Variants in HPSE2 observed in about 807,000 individuals in gnomAD.
The protein encoded by HPSE2 is inactive heparanase-2.
In HPSE2, 38 loss-of-function variants were observed where a neutral mutation model predicts 60.5. The ratio of observed to expected loss-of-function variants is 0.63; its 90% CI spans 0.48 to 0.82. HPSE2 has a LOEUF of 0.82. HPSE2 is among the 40% of genes least tolerant of loss of function. The pLI is 0.00. For missense variants in HPSE2, 713 were observed against 740.4 expected, an observed-to-expected ratio of 0.96 and a Z score of 0.43; for synonymous variants, 295 against 293.2, an observed-to-expected ratio of 1.01 and a Z score of -0.06.
chr10:98,479,431 A>T (rs1482944148), intron 11 of HPSE2, among the ~76,000 whole-genome samples: 1 of 152,142 alleles, frequency 6.6e-6, no homozygotes, highest in Non-Finnish European at 1.5e-5. Context: ...ACTTCCTAGC[A>T]TTTTCTTTCA....
intron 9 of HPSE2, among the ~76,000 whole-genome samples, chr10:98,605,167 A>G (rs1475079549): frequency 1.3e-5 from 2 of 152,192 alleles, no homozygotes; most frequent in South Asian, 2.1e-4. Flanking sequence ...TCTATTGTCT[A>G]CTGATCATTT....
the HPSE2 span, among the ~76,000 whole-genome samples, chr10:99,314,401 G>A: frequency 4.6e-4 from 70 of 151,748 alleles, no homozygotes; most frequent in Non-Finnish European, 9.0e-4. Flanking sequence ...GAACTCAAGC[G>A]ATCCTCCCAC....
intron 3 of HPSE2, among the ~76,000 whole-genome samples, chr10:99,012,226 A>G (rs1484742838): frequency 6.6e-6 from 1 of 152,132 alleles, no homozygotes; most frequent in Non-Finnish European, 1.5e-5. Context: ...AGACTGATTA[A>G]TGGATTAAAA....
chr10:98,831,620 G>C (rs1257310329), intron 3 of HPSE2, among the ~76,000 whole-genome samples: 1 of 152,194 alleles, frequency 6.6e-6, no homozygotes, highest in Non-Finnish European at 1.5e-5. Context: ...AGATAAGAGA[G>C]ACCTTGCTCA....
At chr10:98,593,069 C>G in intron 9 of HPSE2, among the ~76,000 whole-genome samples, 1 of 152,200 alleles carries the variant, frequency 6.6e-6, no homozygotes, top group East Asian at 1.9e-4. Flanking sequence ...TAATACTTCA[C>G]TATGTACCTC....
chr10:98,830,862 A>G (rs1381348460), intron 3 of HPSE2, among the ~76,000 whole-genome samples: 2 of 152,198 alleles, frequency 1.3e-5, no homozygotes, highest in East Asian at 1.9e-4. Context: ...ATGAAATTCA[A>G]TTTGATTCAC....
At chr10:99,012,634 T>C (rs1411576196) in intron 3 of HPSE2, among the ~76,000 whole-genome samples, 5 of 152,242 alleles carry the variant, frequency 3.3e-5, no homozygotes, top group Non-Finnish European at 7.3e-5. Flanking sequence ...ACTTGAGGTA[T>C]ATACACAATA....
intron 3 of HPSE2, among the ~76,000 whole-genome samples, chr10:98,926,393 G>A (rs1954463761): frequency 6.6e-6 from 1 of 151,944 alleles, no homozygotes; most frequent in Non-Finnish European, 1.5e-5. Flanking sequence ...CTCAACTGAG[G>A]GAAGGTAATG....
intron 3 of HPSE2, among the ~76,000 whole-genome samples, chr10:98,925,644 G>A (rs1954433825): frequency 6.6e-6 from 1 of 152,186 alleles, no homozygotes. Flanking sequence ...GAGCACATTA[G>A]AGTTTCATGA....
intron 2 of HPSE2, among the ~76,000 whole-genome samples, chr10:99,214,899 C>T (rs1019289776): frequency 6.6e-5 from 10 of 152,182 alleles, no homozygotes; most frequent in African/African-American, 2.4e-4. Flanking sequence ...TACCATCTCA[C>T]ATCAGTCAGA....
chr10:99,226,176 G>A (rs1849466418), intron 2 of HPSE2, among the ~76,000 whole-genome samples: 1 of 151,832 alleles, frequency 6.6e-6, no homozygotes, highest in South Asian at 2.1e-4. Context: ...TCTCTCTCTT[G>A]AGTTGCATAT....
intron 3 of HPSE2, among the ~76,000 whole-genome samples, chr10:98,814,135 T>A (rs1252323): frequency 0.056 from 8,498 of 152,196 alleles, 756 homozygotes; most frequent in African/African-American, 0.19. Context: ...TTATAAATGT[T>A]AATAAAATCA....
chr10:98,477,697 T>G (rs1196662374), intron 11 of HPSE2, among the ~76,000 whole-genome samples: 1 of 152,166 alleles, frequency 6.6e-6, no homozygotes, highest in African/African-American at 2.4e-5. Flanking sequence ...TTGCTTCTGT[T>G]TGTTGAGAGA....
intron 3 of HPSE2, among the ~76,000 whole-genome samples, chr10:98,744,617 A>G (rs1487631158): frequency 6.6e-6 from 1 of 152,188 alleles, no homozygotes; most frequent in African/African-American, 2.4e-5. Flanking sequence ...TGGCAACCAA[A>G]TCTAGTCCAT....
chr10:98,610,843 G>T (rs527588154), intron 9 of HPSE2, among the ~76,000 whole-genome samples: 1 of 152,316 alleles, frequency 6.6e-6, no homozygotes, highest in East Asian at 1.9e-4. Context: ...CCTGGTGTGG[G>T]AGTTAAGAAG....
chr10:99,171,461 G>A (rs7094748), intron 2 of HPSE2, among the ~76,000 whole-genome samples: 3,464 of 152,230 alleles, frequency 0.023, 128 homozygotes, highest in African/African-American at 0.079. Flanking sequence ...GGTGCATGAA[G>A]AGATGGATGT....
At chr10:99,227,170 G>C (rs577534388) in intron 2 of HPSE2, among the ~76,000 whole-genome samples, 2 of 152,138 alleles carry the variant, frequency 1.3e-5, no homozygotes, top group African/African-American at 4.8e-5. Flanking sequence ...GCTTCCTAGA[G>C]AAAAGAGAAT....
At chr10:98,920,384 T>C (rs546246057) in intron 3 of HPSE2, among the ~76,000 whole-genome samples, 1 of 152,296 alleles carries the variant, frequency 6.6e-6, no homozygotes, top group East Asian at 1.9e-4. Context: ...TTACTCAGCA[T>C]GGATATTTCT....
chr10:98,830,193 C>T (rs1375152172), intron 3 of HPSE2, among the ~76,000 whole-genome samples: 1 of 152,148 alleles, frequency 6.6e-6, no homozygotes, highest in Non-Finnish European at 1.5e-5. Context: ...ACGGAAACTG[C>T]AGTGAATGAG....
Sources: gnomAD v4.1 joint callset for allele counts (sites outside exome capture counted in the v4.1 genomes callset) on GRCh38, gnomAD v4.1.1 for gene constraint, MANE v1.5 for transcripts, NCBI Gene and HGNC (gene_info 2026-07-23, HGNC 2026-07-21) for gene names.